WWOX: variants seen among roughly 807,000 people sequenced by gnomAD.
The protein encoded by WWOX is WW domain-containing oxidoreductase.
Under a neutral mutation model 46.2 loss-of-function variants are expected in WWOX, and 69 were observed. The ratio of observed to expected loss-of-function variants is 1.49; its 90% CI spans 1.23 to 1.82. WWOX has a LOEUF of 1.82. WWOX is among the 40% of genes most tolerant of loss of function. The pLI, the probability that WWOX is intolerant of heterozygous loss-of-function variation, is 0.00. For missense variants in WWOX, 919 were observed against 542.6 expected (o/e 1.69, Z -6.89); for synonymous variants, 359 against 202.6 (o/e 1.77, Z -6.56).
intron 8 of WWOX, among the ~76,000 whole-genome samples, chr16:78,462,186 G>A (rs1003424079): frequency 3.3e-5 from 5 of 152,124 alleles, no homozygotes; most frequent in African/African-American, 1.2e-4. Flanking sequence ...AACTTGCAGC[G>A]AGGCCATTCA....
At chr16:78,242,988 AC>A (rs2037705995) in intron 5 of WWOX, among the ~76,000 whole-genome samples, 1 of 152,242 alleles carries the variant, frequency 6.6e-6, no homozygotes, top group South Asian at 2.1e-4. Flanking sequence ...AGCCTGGGCA[AC>A]AGAGGGAGAC....
intron 8 of WWOX, among the ~76,000 whole-genome samples, chr16:79,021,735 A>T (rs1334848764): frequency 2.0e-5 from 3 of 152,224 alleles, no homozygotes; most frequent in Admixed American, 1.3e-4. Context: ...AGTGAAAAAT[A>T]AAGATGTAAC....
At chr16:79,123,329 C>T (rs1032410124) in intron 8 of WWOX, among the ~76,000 whole-genome samples, 1 of 152,006 alleles carries the variant, frequency 6.6e-6, no homozygotes. Context: ...GTGATCAGGC[C>T]CATAAAATAC....
chr16:78,657,099 A>T (rs898612531), intron 8 of WWOX, among the ~76,000 whole-genome samples: 1 of 152,100 alleles, frequency 6.6e-6, no homozygotes, highest in African/African-American at 2.4e-5. Context: ...CAATTGCGCA[A>T]TTCACACACC....
At chr16:78,797,595 C>T (rs2050777534) in intron 8 of WWOX, among the ~76,000 whole-genome samples, 2 of 152,102 alleles carry the variant, frequency 1.3e-5, no homozygotes, top group South Asian at 4.1e-4. Flanking sequence ...GTCAATATTC[C>T]TGAGCTTCCA....
intron 8 of WWOX, among the ~76,000 whole-genome samples, chr16:78,726,338 A>C (rs2048836732): frequency 6.6e-6 from 1 of 151,324 alleles, no homozygotes; most frequent in Non-Finnish European, 1.5e-5. Context: ...GATCTTCCCC[A>C]CCTCAGCCTC....
intron 8 of WWOX, among the ~76,000 whole-genome samples, chr16:78,838,589 C>T (rs1481141647): frequency 6.6e-6 from 1 of 152,138 alleles, no homozygotes; most frequent in Non-Finnish European, 1.5e-5. Flanking sequence ...CTCCTGTAAT[C>T]CCAGCACTTT....
chr16:79,067,043 G>A (rs970858875), intron 8 of WWOX, among the ~76,000 whole-genome samples: 1 of 152,162 alleles, frequency 6.6e-6, no homozygotes, highest in Admixed American at 6.5e-5. Flanking sequence ...CTCTGGAAGG[G>A]AGCATCCGCG....
intron 8 of WWOX, among the ~76,000 whole-genome samples, chr16:78,959,476 T>C (rs1007396108): frequency 6.6e-6 from 1 of 152,220 alleles, no homozygotes; most frequent in African/African-American, 2.4e-5. Context: ...TTCACAGGGT[T>C]AGCCATCCAT....
At chr16:78,667,092 C>T (rs1364295) in intron 8 of WWOX, among the ~76,000 whole-genome samples, 39,540 of 152,118 alleles carry the variant, frequency 0.26, 7,920 homozygotes, top group African/African-American at 0.57. Context: ...TGTGTACTTG[C>T]TTTTTAAATT....
At chr16:79,178,413 A>G (rs1470344302) in intron 8 of WWOX, among the ~76,000 whole-genome samples, 2 of 152,022 alleles carry the variant, frequency 1.3e-5, no homozygotes, top group Admixed American at 1.3e-4. Flanking sequence ...ACCTCCTGGG[A>G]TCAAGCAGTC....
intron 6 of WWOX, among the ~76,000 whole-genome samples, chr16:78,390,873 C>A (rs760791592): frequency 1.3e-5 from 2 of 152,182 alleles, no homozygotes; most frequent in Non-Finnish European, 2.9e-5. Flanking sequence ...AGGAAAAAAT[C>A]CCTTAAATTT....
intron 8 of WWOX, among the ~76,000 whole-genome samples, chr16:78,989,337 T>C (rs748064351): frequency 6.6e-6 from 1 of 152,212 alleles, no homozygotes; most frequent in Non-Finnish European, 1.5e-5. Flanking sequence ...TATATATGTC[T>C]GATGAACTCA....
chr16:79,052,419 A>T (rs1043590124), intron 8 of WWOX, among the ~76,000 whole-genome samples: 1 of 152,176 alleles, frequency 6.6e-6, no homozygotes, highest in African/African-American at 2.4e-5. Flanking sequence ...TGTGCCAGCC[A>T]TCCCGTTACT....
chr16:79,083,458 C>T (rs777922414), intron 8 of WWOX, among the ~76,000 whole-genome samples: 4 of 152,172 alleles, frequency 2.6e-5, no homozygotes, highest in Non-Finnish European at 5.9e-5. Flanking sequence ...TGTGTAAAGT[C>T]ACTAAGATTT....
At chr16:78,946,913 A>G (rs550276941) in intron 8 of WWOX, among the ~76,000 whole-genome samples, 1 of 152,288 alleles carries the variant, frequency 6.6e-6, no homozygotes, top group South Asian at 2.1e-4. Context: ...TCAGTAGGAT[A>G]GTTTCCCTTC....
chr16:78,989,639 G>A (rs2046844960), intron 8 of WWOX, among the ~76,000 whole-genome samples: 1 of 152,254 alleles, frequency 6.6e-6, no homozygotes. Flanking sequence ...TCAGGAATTG[G>A]GCATCCAGTT....
At chr16:78,485,580 A>G (rs372622286) in intron 8 of WWOX, among the ~76,000 whole-genome samples, 6 of 152,118 alleles carry the variant, frequency 3.9e-5, no homozygotes, top group Admixed American at 2.0e-4. Context: ...TCTTTGGGTA[A>G]TGGGGAGGGG....
intron 5 of WWOX, among the ~76,000 whole-genome samples, chr16:78,358,503 C>A (rs559700155): frequency 4.3e-4 from 66 of 152,098 alleles, no homozygotes; most frequent in South Asian, 6.2e-4. Flanking sequence ...ACTAAAAATA[C>A]AAAAATTAGC....
Sources: allele counts gnomAD v4.1 joint callset (sites outside exome capture counted in the v4.1 genomes callset), GRCh38; gene constraint gnomAD v4.1.1; transcripts MANE v1.5; gene names NCBI Gene and HGNC (gene_info 2026-07-23, HGNC 2026-07-21).